PARD3: variants seen among roughly 807,000 people sequenced by gnomAD.
PARD3 encodes the protein par-3 family cell polarity regulator.
Under a neutral mutation model 155.4 loss-of-function variants are expected in PARD3, and 75 were observed. The ratio of observed to expected loss-of-function variants is 0.48; its 90% confidence interval spans 0.40 to 0.58. The LOEUF is 0.58. PARD3 is among the 20% of genes least tolerant of loss of function. The probability of loss-of-function intolerance (pLI) is 0.00; values close to 1 mark genes in which losing one functional copy is unlikely to be tolerated. For synonymous variants in PARD3, 576 were observed against 610.5 expected (o/e 0.94, Z 0.83); for missense variants, 1,642 against 1,721.7 (o/e 0.95, Z 0.82).
At chr10:34,734,480 C>T (rs996567170) in intron 1 of PARD3, among the ~76,000 whole-genome samples, 5 of 151,870 alleles carry the variant, frequency 3.3e-5, no homozygotes, top group African/African-American at 9.7e-5. Context: ...GGATTACAGG[C>T]GCCCGCCACC....
chr10:34,279,049 A>C (rs892155986), intron 21 of PARD3, among the ~76,000 whole-genome samples: 1 of 151,494 alleles, frequency 6.6e-6, no homozygotes, highest in Non-Finnish European at 1.5e-5. Flanking sequence ...GCATTTTCCT[A>C]CTTCATTTGC....
intron 22 of PARD3, among the ~76,000 whole-genome samples, chr10:34,220,567 G>A (rs1952227490): frequency 6.6e-6 from 1 of 152,132 alleles, no homozygotes; most frequent in African/African-American, 2.4e-5. Flanking sequence ...TGAATAGGGG[G>A]TGATTGACAA....
rs533900955 is a variant in PARD3 at position 34,787,968 on chromosome 10, G to A, written c.120+26908C>T. On this transcript the variant is annotated intron_variant, in intron 1 of 24. Transcript: ENST00000374788. Reference sequence around the variant, plus strand: ...AGCTAATTTTTTTTTTTTTTTTGTAGAGACAGGGTCTTGTTATGCCATCCA... The same window carrying A: ...AGCTAATTTTTTTTTTTTTTTTGTAAAGACAGGGTCTTGTTATGCCATCCA... Among the ~76,000 whole-genome samples the A allele has an allele frequency of 4.6e-3, 674 of 145,734 alleles. 4 individuals carry two copies. Among genetic ancestry groups the A allele is most frequent in the Non-Finnish European group, 7.5e-3 (503 of 66,690 alleles).
chr10:34,377,166 T>A (rs1033684381), intron 10 of PARD3, among the ~76,000 whole-genome samples: 25 of 152,388 alleles, frequency 1.6e-4, no homozygotes, highest in African/African-American at 5.3e-4. Context: ...AACACTGTTT[T>A]CATTTATTTC....
At chr10:34,611,077 G>T (rs948834087) in intron 2 of PARD3, among the ~76,000 whole-genome samples, 7 of 152,088 alleles carry the variant, frequency 4.6e-5, no homozygotes, top group African/African-American at 1.7e-4. Flanking sequence ...GTTGAAACCG[G>T]TCTATGTTAA....
intron 2 of PARD3, among the ~76,000 whole-genome samples, chr10:34,690,778 G>A (rs940370850): frequency 3.3e-5 from 5 of 152,220 alleles, no homozygotes; most frequent in African/African-American, 4.8e-5. Context: ...AGGAAACGTG[G>A]TGGAGAAACA....
intron 3 of PARD3, among the ~76,000 whole-genome samples, chr10:34,482,660 G>T (rs1267080041): frequency 6.6e-6 from 1 of 152,104 alleles, no homozygotes; most frequent in African/African-American, 2.4e-5. Flanking sequence ...CTTTCACTGA[G>T]AGAATATTAT....
chr10:34,547,474 T>C (rs1451846607), intron 2 of PARD3, among the ~76,000 whole-genome samples: 1 of 152,204 alleles, frequency 6.6e-6, no homozygotes, highest in Non-Finnish European at 1.5e-5. Context: ...TTAGCACACA[T>C]AAAATATGGG....
intron 19 of PARD3, among the ~76,000 whole-genome samples, chr10:34,319,268 T>C (rs1958226554): frequency 6.6e-6 from 1 of 151,862 alleles, no homozygotes; most frequent in Admixed American, 6.6e-5. Flanking sequence ...TTTGTATTTT[T>C]AGTAGAGATA....
At chr10:34,776,875 C>T (rs1365058061) in intron 1 of PARD3, among the ~76,000 whole-genome samples, 2 of 145,260 alleles carry the variant, frequency 1.4e-5, no homozygotes, top group African/African-American at 2.6e-5. Context: ...CTCACTCTGT[C>T]GCCCAGGCTG....
At chr10:34,264,881 C>G (rs1955217911) in intron 22 of PARD3, among the ~76,000 whole-genome samples, 1 of 151,982 alleles carries the variant, frequency 6.6e-6, no homozygotes, top group Admixed American at 6.5e-5. Context: ...TCCCGAGTAG[C>G]TGGGACTGTA....
chr10:34,364,123 A>C (rs1353149123), intron 12 of PARD3, among the ~76,000 whole-genome samples: 2 of 152,210 alleles, frequency 1.3e-5, no homozygotes, highest in Admixed American at 6.5e-5. Context: ...GTTAATCTGC[A>C]GCAAAGGTGT....
chr10:34,611,654 T>TG (rs995500359), intron 2 of PARD3, among the ~76,000 whole-genome samples: 29 of 152,272 alleles, frequency 1.9e-4, no homozygotes, highest in African/African-American at 7.0e-4. Flanking sequence ...GGAAAAAATC[T>TG]GGATCTTGAA....
chr10:34,241,785 T>G (rs1489977524), intron 22 of PARD3, among the ~76,000 whole-genome samples: 1 of 152,108 alleles, frequency 6.6e-6, no homozygotes, highest in Non-Finnish European at 1.5e-5. Context: ...CCAGAAGAAA[T>G]GGACCCAGAA....
chr10:34,448,134 C>CGT (rs35325584), intron 5 of PARD3, among the ~76,000 whole-genome samples: 19,559 of 146,876 alleles, frequency 0.13, 1,297 homozygotes, highest in African/African-American at 0.15. Context: ...ATATACACTG[C>CGT]GTGTGTGTGT....
At position 34,234,495 on chromosome 10, in the gene PARD3, T is replaced by A. The variant is rs766229837; in HGVS notation, c.3419+35162A>T. Among the ~76,000 whole-genome samples, 101 of 152,280 alleles carry A rather than the reference T, an allele frequency of 6.6e-4. No individual in the cohort carries two copies. In the Middle Eastern group the frequency reaches 0.01, roughly 15 times the overall value. On this transcript the variant is annotated intron_variant, in intron 22 of 24. Coordinates refer to ENST00000374788, the MANE Select transcript of PARD3 (RefSeq NM_001184785.2). ...TCTAGTTTCTGGCCCATGCTAAACA[T>A]CTCCCAGCCTTTTGCTTTGTCCACA...
At chr10:34,514,163 C>G (rs1393526194) in intron 3 of PARD3, among the ~76,000 whole-genome samples, 2 of 152,134 alleles carry the variant, frequency 1.3e-5, no homozygotes, top group Non-Finnish European at 2.9e-5. Context: ...TTCTCAACTT[C>G]CACCAATTCT....
intron 5 of PARD3, among the ~76,000 whole-genome samples, chr10:34,407,585 T>C (rs1366167200): frequency 6.6e-6 from 1 of 152,202 alleles, no homozygotes; most frequent in African/African-American, 2.4e-5. Context: ...GTGGTTACTT[T>C]TGCCTAAAAA....
Position 34,401,813 on chromosome 10 carries a change from A to G in PARD3, c.806+13T>C. ...GTATACTGCAAACTTAGTTGAAACC[A>G]TCAGTAACTTACTCCAGAGAAAAGT... On this transcript the variant is annotated intron_variant, in intron 6 of 24. Transcript: ENST00000374788. 1 of 1,565,132 alleles carries G rather than the reference A, an allele frequency of 6.4e-7. No homozygotes were observed. Among genetic ancestry groups the G allele is most frequent in the Non-Finnish European group, 8.8e-7 (1 of 1,135,428 alleles).
Sources: allele counts gnomAD v4.1 joint callset (sites outside exome capture counted in the v4.1 genomes callset), GRCh38; gene constraint gnomAD v4.1.1; transcripts MANE v1.5; gene names NCBI Gene and HGNC (gene_info 2026-07-23, HGNC 2026-07-21).